The following KCNK1 variants were observed in gnomAD, a reference collection of about 807,000 sequenced individuals.
KCNK1 encodes the protein potassium two pore domain channel subfamily K member 1, also known as potassium channel subfamily K member 1.
In KCNK1, 10 loss-of-function variants were observed where a neutral mutation model predicts 22.2. The observed-to-expected ratio is 0.45, with a 90% CI of 0.28 to 0.76. The LOEUF is 0.76. KCNK1 is among the 30% of genes least tolerant of loss of function. KCNK1 has a pLI of 0.14. For missense variants in KCNK1, 378 were observed against 421.0 expected (o/e 0.90, Z 0.89); for synonymous variants, 200 against 186.4 (o/e 1.07, Z -0.60).
rs1221665313 is a variant in KCNK1 at position 233,666,968 on chromosome 1, G to A, written c.729G>A (p.Glu243=). The A allele has an allele frequency of 6.2e-7, 1 of 1,612,312 alleles. No individual in the cohort carries two copies. Among genetic ancestry groups the A allele is most frequent in the Non-Finnish European group, 8.5e-7 (1 of 1,179,312 alleles). ...AAGGCTACAATCAAAAATTCAGAGA[G>A]CTCTATAAGATTGGGATCACGTGTG... is the stretch of plus-strand genomic sequence containing the variant. ...PGEGYNQKFR[E]LYKIGITCYL... is the part of the protein sequence containing the mutation. Residue 243 remains glutamate, a synonymous_variant, in exon 2 of 3, where the codon GAG becomes GAA. Transcript: ENST00000366621.
At position 233,671,663 on chromosome 1, in the gene KCNK1, CTT is replaced by C; in HGVS notation, c.*134_*135del. The C allele has an allele frequency of 9.5e-7, 1 of 1,056,778 alleles. No individual in the cohort carries two copies. Among genetic ancestry groups the C allele is most frequent in the Non-Finnish European group, 1.4e-6 (1 of 739,430 alleles). The allele number at this position is 1,056,778 out of a possible 1,614,324, so 65.5% of individuals were successfully genotyped here. ...AAGAAATAGCTACTGTTTGCAATGT[CTT>C]ATTAAAAAACAACAAAAAAAGACAA... On this transcript the variant is annotated 3_prime_UTR_variant, in exon 3 of 3. Coordinates refer to ENST00000366621, the MANE Select transcript of KCNK1 (RefSeq NM_002245.4).
intron 1 of KCNK1, chr1:233,631,359 A>G (rs60285890): frequency 0.025 from 12,739 of 507,384 alleles, 557 homozygotes; most frequent in East Asian, 0.19. Flanking sequence ...CCTGAGACAC[A>G]GAATTTAATT....
At position 233,666,607 on chromosome 1, in the gene KCNK1, C is replaced by A; in HGVS notation, c.368C>A (p.Thr123Asn). The change falls in exon 2 of 3, where the codon ACC becomes AAC. Residue 123 changes from threonine to asparagine, a missense_variant. Transcript: ENST00000366621. Reference sequence around the variant, plus strand: ...GTTCTCCTTGCAGGTTATGGCCACACCGTGCCCTTGTCAGATGGAGGTAAG... The same window carrying A: ...GTTCTCCTTGCAGGTTATGGCCACAACGTGCCCTTGTCAGATGGAGGTAAG... The part of the protein sequence containing the change: ...TVLSTTGYGH[T>N]VPLSDGGKAF... 2 of 1,607,610 alleles carry A rather than the reference C, an allele frequency of 1.2e-6. No individual in the cohort carries two copies. Among genetic ancestry groups the A allele is most frequent in the Non-Finnish European group, 1.7e-6 (2 of 1,176,170 alleles).
At chr1:233,648,985 T>G (rs1169794730) in intron 1 of KCNK1, among the ~76,000 whole-genome samples, 1 of 152,180 alleles carries the variant, frequency 6.6e-6, no homozygotes, top group African/African-American at 2.4e-5. Flanking sequence ...GTGGAAGACC[T>G]TGGAAGACCC....
intron 1 of KCNK1, among the ~76,000 whole-genome samples, chr1:233,633,052 G>A (rs1657833659): frequency 6.6e-6 from 1 of 151,426 alleles, no homozygotes; most frequent in African/African-American, 2.4e-5. Context: ...TGTTGACTTG[G>A]GTTTGCTTCT....
chr1:233,642,517 AGGGGGTGTTCTGAGACCACGTCCT>A (rs948225507), intron 1 of KCNK1, among the ~76,000 whole-genome samples: 20 of 152,294 alleles, frequency 1.3e-4, no homozygotes, highest in South Asian at 4.2e-4. Context: ...GTGAAAGGGC[AGGGGGTGTTCTGAGACCACGTCCT>A]GGTTCTCTGA....
intron 2 of KCNK1, among the ~76,000 whole-genome samples, chr1:233,667,536 C>G (rs1016408710): frequency 5.9e-5 from 9 of 151,848 alleles, no homozygotes; most frequent in African/African-American, 2.2e-4. Context: ...CGAGACCATC[C>G]TGGCTAACAC....
intron 1 of KCNK1, among the ~76,000 whole-genome samples, chr1:233,627,934 G>C (rs1309388412): frequency 1.3e-5 from 2 of 152,200 alleles, no homozygotes; most frequent in Non-Finnish European, 2.9e-5. Context: ...GAGGCTAAAA[G>C]GATATGTTTG....
chr1:233,653,272 G>A (rs1053551502), intron 1 of KCNK1, among the ~76,000 whole-genome samples: 2 of 152,148 alleles, frequency 1.3e-5, no homozygotes, highest in African/African-American at 4.8e-5. Context: ...TGCCCCCACA[G>A]CATGGCATGG....
At chr1:233,663,067 T>G (rs1658429771) in intron 1 of KCNK1, among the ~76,000 whole-genome samples, 1 of 152,316 alleles carries the variant, frequency 6.6e-6, no homozygotes, top group Non-Finnish European at 1.5e-5. Flanking sequence ...GGACTGAAAG[T>G]TTCCGTCAGA....
At chr1:233,638,124 T>C (rs962808949) in intron 1 of KCNK1, among the ~76,000 whole-genome samples, 1 of 152,120 alleles carries the variant, frequency 6.6e-6, no homozygotes, top group Admixed American at 6.5e-5. Context: ...TCACCTTTGT[T>C]AGCTTATATG....
intron 1 of KCNK1, among the ~76,000 whole-genome samples, chr1:233,617,973 C>G (rs533974035): frequency 6.6e-6 from 1 of 152,232 alleles, no homozygotes; most frequent in East Asian, 1.9e-4. Flanking sequence ...ATCTAAAAAG[C>G]TAAATAACTG....
Position 233,667,007 on chromosome 1 carries a change from C to G in KCNK1, c.751+17C>G. On this transcript the variant is annotated intron_variant, in intron 2 of 2. Transcript: ENST00000366621. ...GGATCACGTGTGAGTATTACAGCTC[C>G]CTGGCTGCTCCTTCTGTCTCCTTTA... 1 of 1,527,838 alleles carries G rather than the reference C, an allele frequency of 6.5e-7. No individual in the cohort carries two copies. The highest frequency in any genetic ancestry group is 8.8e-7 in the Non-Finnish European group (1 of 1,141,442). The allele number at this position is 1,527,838 out of a possible 1,614,324, so 94.6% of individuals were successfully genotyped here.
intron 2 of KCNK1, among the ~76,000 whole-genome samples, chr1:233,670,118 A>AT (rs992005788): frequency 9.9e-5 from 15 of 151,338 alleles, no homozygotes; most frequent in South Asian, 6.3e-4. Flanking sequence ...CCTTTTTATG[A>AT]TTTTTTTTTC....
chr1:233,657,250 C>T (rs895082929), intron 1 of KCNK1, among the ~76,000 whole-genome samples: 1 of 152,088 alleles, frequency 6.6e-6, no homozygotes, highest in Non-Finnish European at 1.5e-5. Flanking sequence ...ATCCACAACC[C>T]CCGCAGCCAA....
intron 1 of KCNK1, chr1:233,655,734 G>T: frequency 6.5e-6 from 1 of 153,094 alleles, no homozygotes; most frequent in South Asian, 1.8e-4. Flanking sequence ...AAGTCTATGA[G>T]GAAGCAGCCC....
chr1:233,618,443 G>T (rs1396627850), intron 1 of KCNK1, among the ~76,000 whole-genome samples: 3 of 151,752 alleles, frequency 2.0e-5, no homozygotes, highest in Non-Finnish European at 4.4e-5. Context: ...TGGGGAGTAA[G>T]AAATAATTAT....
intron 1 of KCNK1, among the ~76,000 whole-genome samples, chr1:233,662,273 TCCTCC>T: frequency 1.0e-5 from 1 of 97,974 alleles, no homozygotes; most frequent in African/African-American, 3.2e-5. Flanking sequence ...CTTCTTCTTC[TCCTCC>T]TCCTCCTCCT....
chr1:233,647,826 C>T (rs1352678857), intron 1 of KCNK1, among the ~76,000 whole-genome samples: 4 of 152,150 alleles, frequency 2.6e-5, no homozygotes, highest in Admixed American at 1.3e-4. Flanking sequence ...GGTCTGCACC[C>T]CTCCAGCCTG....
Sources: allele counts gnomAD v4.1 joint callset (sites outside exome capture counted in the v4.1 genomes callset), GRCh38; gene constraint gnomAD v4.1.1; transcripts MANE v1.5; gene names NCBI Gene and HGNC (gene_info 2026-07-23, HGNC 2026-07-21).